SERGEF: variants seen among roughly 807,000 people sequenced by gnomAD.
The protein encoded by SERGEF is secretion regulating guanine nucleotide exchange factor.
A neutral mutation model predicts 50.0 loss-of-function variants in SERGEF; 51 were observed. That is an observed-to-expected ratio of 1.02 (90% CI 0.81 to 1.29). The LOEUF is 1.29. SERGEF is among the 50% of genes most tolerant of loss of function. The pLI is 0.00. For synonymous variants in SERGEF, 205 were observed against 212.4 expected (o/e 0.97, Z 0.30); for missense variants, 521 against 557.0 (o/e 0.94, Z 0.65).
intron 4 of SERGEF, chr11:18,000,807 G>A (rs909892289): frequency 1.6e-6 from 1 of 641,046 alleles, no homozygotes; most frequent in Admixed American, 2.1e-5. Flanking sequence ...CACTTCTAAG[G>A]TCATCTAGTC....
intron 8 of SERGEF, among the ~76,000 whole-genome samples, chr11:17,971,394 T>C (rs1853246761): frequency 6.6e-6 from 1 of 152,188 alleles, no homozygotes; most frequent in Non-Finnish European, 1.5e-5. Flanking sequence ...CTAGGGCTAA[T>C]GCAGCTGGTG....
intron 3 of SERGEF, among the ~76,000 whole-genome samples, chr11:18,005,188 G>C (rs1854049339): frequency 6.6e-6 from 1 of 152,198 alleles, no homozygotes; most frequent in South Asian, 2.1e-4. Context: ...CTCCAAATGT[G>C]AGCAGGAAAG....
intron 1 of SERGEF, among the ~76,000 whole-genome samples, chr11:18,011,897 C>T (rs921625275): frequency 2.0e-5 from 3 of 152,174 alleles, no homozygotes; most frequent in Non-Finnish European, 4.4e-5. Flanking sequence ...TGCAGCCCCA[C>T]ATTCAACAAT....
At chr11:17,954,109 C>CCAAG (rs1293725271) in intron 9 of SERGEF, among the ~76,000 whole-genome samples, 4 of 152,198 alleles carry the variant, frequency 2.6e-5, no homozygotes, top group Non-Finnish European at 4.4e-5. Flanking sequence ...GTCTCAGAGA[C>CCAAG]CTCATGCTTC....
At chr11:17,791,742 G>C (rs898402760) in intron 10 of SERGEF, among the ~76,000 whole-genome samples, 2 of 152,128 alleles carry the variant, frequency 1.3e-5, no homozygotes, top group African/African-American at 4.8e-5. Flanking sequence ...CTGTTCAATG[G>C]GGACAGTAAT....
intron 8 of SERGEF, among the ~76,000 whole-genome samples, chr11:17,959,903 C>CT (rs1852962306): frequency 6.6e-6 from 1 of 152,216 alleles, no homozygotes; most frequent in Non-Finnish European, 1.5e-5. Flanking sequence ...AGTTTCTGCT[C>CT]TTGCATGTTA....
intron 9 of SERGEF, among the ~76,000 whole-genome samples, chr11:17,923,853 C>T (rs11603299): frequency 0.34 from 51,252 of 152,114 alleles, 9,633 homozygotes; most frequent in East Asian, 0.49. Context: ...CTATGACTTA[C>T]CTGTCTCACC....
intron 10 of SERGEF, among the ~76,000 whole-genome samples, chr11:17,800,476 T>C (rs1287447441): frequency 6.6e-6 from 1 of 152,130 alleles, no homozygotes; most frequent in Non-Finnish European, 1.5e-5. Context: ...TCTGCCAGAG[T>C]TGCAGAATAA....
intron 9 of SERGEF, among the ~76,000 whole-genome samples, chr11:17,904,797 C>T (rs544690024): frequency 1.3e-4 from 20 of 152,208 alleles, no homozygotes; most frequent in Non-Finnish European, 2.5e-4. Flanking sequence ...CCTTCTCTGA[C>T]CCAAAACACA....
At chr11:17,800,209 A>T (rs1279023335) in intron 10 of SERGEF, among the ~76,000 whole-genome samples, 1 of 152,194 alleles carries the variant, frequency 6.6e-6, no homozygotes, top group East Asian at 1.9e-4. Context: ...TAGTAAAATT[A>T]AGCAGAAAGT....
At chr11:17,874,250 G>A (rs1363791444) in intron 10 of SERGEF, 1 of 152,302 alleles carries the variant, frequency 6.6e-6, no homozygotes, top group Non-Finnish European at 1.5e-5. Context: ...ACTTCTGGGA[G>A]TGGGTATCAT....
At chr11:18,010,126 G>A (rs1183185417) in intron 1 of SERGEF, 8 of 1,255,556 alleles carry the variant, frequency 6.4e-6, no homozygotes, top group Non-Finnish European at 8.3e-6. Flanking sequence ...AAATATGTTT[G>A]TTTTTGAAGA....
At chr11:17,883,667 A>C (rs1851376053) in intron 9 of SERGEF, among the ~76,000 whole-genome samples, 1 of 152,162 alleles carries the variant, frequency 6.6e-6, no homozygotes, top group Admixed American at 6.5e-5. Flanking sequence ...TTCTCATATT[A>C]GATGGAAATA....
intron 1 of SERGEF, 29 bp downstream of exon 1, chr11:18,012,922 T>C (rs1440966404): frequency 1.3e-6 from 2 of 1,523,628 alleles, no homozygotes; most frequent in South Asian, 1.2e-5. Context: ...CCTCAGGGCC[T>C]GCACCGGCCC....
chr11:17,815,435 CT>C (rs1849954243), intron 10 of SERGEF, among the ~76,000 whole-genome samples: 1 of 60,954 alleles, frequency 1.6e-5, no homozygotes, highest in Admixed American at 2.4e-4. Context: ...CCCATCTCTA[CT>C]AAAAAAAAAA....
At chr11:17,835,185 A>G (rs1850378086) in intron 10 of SERGEF, among the ~76,000 whole-genome samples, 1 of 152,184 alleles carries the variant, frequency 6.6e-6, no homozygotes, top group Admixed American at 6.5e-5. Context: ...ACAAGCCACA[A>G]AAAGATGCTA....
intron 10 of SERGEF, among the ~76,000 whole-genome samples, chr11:17,858,177 G>A (rs2133879678): frequency 1.3e-5 from 2 of 152,294 alleles, no homozygotes; most frequent in South Asian, 4.1e-4. Context: ...TATTTATGGG[G>A]GGTAGTTAGA....
chr11:17,823,895 C>G (rs1019615253), intron 10 of SERGEF, among the ~76,000 whole-genome samples: 17 of 152,152 alleles, frequency 1.1e-4, no homozygotes, highest in African/African-American at 3.9e-4. Context: ...AAACATATGC[C>G]CAGCTAAAAG....
Position 17,837,339 on chromosome 11 carries a change from T to C in SERGEF, c.1048+40869A>G, listed in dbSNP as rs193089928. 4.5e-3 allele frequency among the ~76,000 whole-genome samples: 679 copies of C among 152,126 alleles called. 15 individuals carry two copies. Among genetic ancestry groups the C allele is most frequent in the Non-Finnish European group, 1.2e-3 (82 of 67,988 alleles). Reference sequence around the variant, plus strand: ...GTTCCCCTAAACCTCATGTTGAAATTTGATCCCAATATTGGAGGTACAGGC... The same window carrying C: ...GTTCCCCTAAACCTCATGTTGAAATCTGATCCCAATATTGGAGGTACAGGC... On this transcript the variant is annotated intron_variant, in intron 10 of 10. Transcript: ENST00000265965.
Sources: gnomAD v4.1 joint callset for allele counts (sites outside exome capture counted in the v4.1 genomes callset) on GRCh38, gnomAD v4.1.1 for gene constraint, MANE v1.5 for transcripts, NCBI Gene and HGNC (gene_info 2026-07-23, HGNC 2026-07-21) for gene names.